ADAMTSL1: variants seen among roughly 807,000 people sequenced by gnomAD.
ADAMTSL1 encodes ADAMTS like 1.
A neutral mutation model predicts 201.8 loss-of-function variants in ADAMTSL1; 126 were observed. The observed-to-expected ratio is 0.62, with a 90% confidence interval of 0.54 to 0.72. The LOEUF (loss-of-function observed/expected upper bound fraction) is 0.72, where lower values mean the gene tolerates loss of function less well. ADAMTSL1 is among the 30% of genes least tolerant of loss of function. The probability of loss-of-function intolerance (pLI) is 0.00; values close to 1 mark genes in which losing one functional copy is unlikely to be tolerated. For synonymous variants in ADAMTSL1, 1,121 were observed against 903.4 expected (o/e 1.24, Z -4.32); for missense variants, 2,679 against 2,277.8 (o/e 1.18, Z -3.59).
intron 2 of ADAMTSL1, among the ~76,000 whole-genome samples, chr9:18,330,926 C>G (rs1337856574): frequency 6.6e-6 from 1 of 152,164 alleles, no homozygotes; most frequent in Non-Finnish European, 1.5e-5. Flanking sequence ...GATGGATAAG[C>G]AGGATCTTGC....
chr9:18,711,135 G>C (rs140446466), intron 14 of ADAMTSL1, among the ~76,000 whole-genome samples: 1 of 152,276 alleles, frequency 6.6e-6, no homozygotes, highest in East Asian at 1.9e-4. Context: ...AAAATTGTTT[G>C]AAAATATACA....
At chr9:18,140,913 G>T (rs898990673) in intron 1 of ADAMTSL1, among the ~76,000 whole-genome samples, 2 of 152,166 alleles carry the variant, frequency 1.3e-5, no homozygotes, top group South Asian at 4.1e-4. Flanking sequence ...ATGAGAGGGA[G>T]GCAAAATTTC....
At chr9:18,825,653 C>T (rs1166098190) in intron 21 of ADAMTSL1, among the ~76,000 whole-genome samples, 2 of 152,122 alleles carry the variant, frequency 1.3e-5, no homozygotes, top group Non-Finnish European at 2.9e-5. Context: ...CCCACCAGAC[C>T]AGCCCCCGGT....
chr9:18,606,307 G>A (rs2000117), intron 4 of ADAMTSL1, among the ~76,000 whole-genome samples: 60,972 of 151,936 alleles, frequency 0.4, 12,869 homozygotes, highest in East Asian at 0.62. Context: ...CTTTTTGAAA[G>A]TTTTTGTTTC....
intron 2 of ADAMTSL1, among the ~76,000 whole-genome samples, chr9:18,301,375 C>T (rs1170088908): frequency 6.6e-6 from 1 of 152,170 alleles, no homozygotes; most frequent in Admixed American, 6.5e-5. Flanking sequence ...GATTGCGGTA[C>T]AGTAGTTCCC....
At chr9:18,454,944 A>G (rs977379726) in intron 2 of ADAMTSL1, among the ~76,000 whole-genome samples, 3 of 152,214 alleles carry the variant, frequency 2.0e-5, no homozygotes, top group African/African-American at 7.2e-5. Flanking sequence ...GTAAAACAAA[A>G]TAGAATTTAA....
chr9:18,218,705 G>A (rs1247062194), intron 2 of ADAMTSL1, among the ~76,000 whole-genome samples: 1 of 151,700 alleles, frequency 6.6e-6, no homozygotes, highest in Non-Finnish European at 1.5e-5. Context: ...ATCTTTCAGG[G>A]TGTGGCTTAT....
At chr9:18,031,241 TTGCAC>T (rs1222008918) in intron 1 of ADAMTSL1, among the ~76,000 whole-genome samples, 13 of 152,222 alleles carry the variant, frequency 8.5e-5, no homozygotes. Context: ...GCTAGAGTTC[TTGCAC>T]TGATTCCTTC....
chr9:17,911,906 A>G (rs1283612649), intron 1 of ADAMTSL1, among the ~76,000 whole-genome samples: 1 of 43,376 alleles, frequency 2.3e-5, no homozygotes, highest in African/African-American at 4.2e-5. Context: ...TCATTGTTCA[A>G]TTCCCACCTA....
chr9:18,036,917 C>A (rs1821224215), intron 1 of ADAMTSL1, among the ~76,000 whole-genome samples: 1 of 152,122 alleles, frequency 6.6e-6, no homozygotes, highest in Non-Finnish European at 1.5e-5. Flanking sequence ...AACACCCTAC[C>A]CTCACTATTA....
chr9:18,356,590 T>A (rs1836247357), intron 2 of ADAMTSL1, among the ~76,000 whole-genome samples: 1 of 117,008 alleles, frequency 8.5e-6, no homozygotes, highest in Non-Finnish European at 1.8e-5. Flanking sequence ...ATGCAGCTAC[T>A]CAATACACAA....
Position 18,905,948 on chromosome 9 carries a change from T to C in ADAMTSL1, c.4961+57T>C, listed in dbSNP as rs371021427. ...GCCCCATGTCAACAGCACGGAAAGA[T>C]GGTGCTGAGTGAATGTTTCTCCTCC... On this transcript the variant is annotated intron_variant, in intron 27 of 28. Coordinates refer to ENST00000380548, the MANE Select transcript of ADAMTSL1 (RefSeq NM_001040272.6). 41 of 1,402,022 alleles carry C rather than the reference T, an allele frequency of 2.9e-5. 2 individuals are homozygous for C. Among genetic ancestry groups the C allele is most frequent in the Middle Eastern group, 1.8e-4 (1 of 5,688 alleles). The allele number at this position is 1,402,022 out of a possible 1,614,324, so 86.8% of individuals were successfully genotyped here.
chr9:18,693,723 T>C (rs183604825), intron 13 of ADAMTSL1, among the ~76,000 whole-genome samples: 11 of 152,368 alleles, frequency 7.2e-5, no homozygotes, highest in African/African-American at 2.6e-4. Context: ...GCTGCTATTA[T>C]GTGAAGTTCT....
chr9:18,764,878 T>C (rs1040704922), intron 16 of ADAMTSL1, among the ~76,000 whole-genome samples: 1 of 152,256 alleles, frequency 6.6e-6, no homozygotes, highest in Admixed American at 6.5e-5. Context: ...GTTACATACC[T>C]ATATACTGTT....
intron 1 of ADAMTSL1, among the ~76,000 whole-genome samples, chr9:18,097,858 G>T (rs1196102275): frequency 6.7e-6 from 1 of 149,966 alleles, no homozygotes. Context: ...CTCTTTTATG[G>T]TTATTGTTTT....
chr9:18,404,013 T>C (rs1485704521), intron 2 of ADAMTSL1, among the ~76,000 whole-genome samples: 1 of 152,118 alleles, frequency 6.6e-6, no homozygotes, highest in Non-Finnish European at 1.5e-5. Flanking sequence ...AAAGGAATAA[T>C]GATGAGGTTA....
At chr9:18,516,894 G>GA (rs764967499) in intron 2 of ADAMTSL1, among the ~76,000 whole-genome samples, 2 of 152,154 alleles carry the variant, frequency 1.3e-5, no homozygotes, top group Non-Finnish European at 2.9e-5. Context: ...TGGTTTTAAA[G>GA]AAAAATGTTG....
chr9:18,598,141 G>C (rs1361218530), intron 4 of ADAMTSL1, among the ~76,000 whole-genome samples: 2 of 152,136 alleles, frequency 1.3e-5, no homozygotes, highest in Non-Finnish European at 2.9e-5. Context: ...AGAGACCCTG[G>C]GGATATTTTG....
intron 1 of ADAMTSL1, among the ~76,000 whole-genome samples, chr9:18,089,150 C>T (rs1253504898): frequency 1.3e-5 from 2 of 152,034 alleles, no homozygotes; most frequent in African/African-American, 2.4e-5. Context: ...GAAACTCTGT[C>T]TCAAAAAACC....
Sources: allele counts gnomAD v4.1 joint callset (sites outside exome capture counted in the v4.1 genomes callset), GRCh38; gene constraint gnomAD v4.1.1; transcripts MANE v1.5; gene names NCBI Gene and HGNC (gene_info 2026-07-23, HGNC 2026-07-21).